WDR62: variants seen among roughly 807,000 people sequenced by gnomAD.
WDR62 encodes the protein WD repeat domain 62.
WDR62 carries 112 observed loss-of-function variants against 160.6 expected under a neutral mutation model. The ratio of observed to expected loss-of-function variants is 0.70; its 90% CI spans 0.60 to 0.82. The LOEUF is 0.82. WDR62 is among the 40% of genes least tolerant of loss of function. WDR62 has a pLI of 0.00. For missense variants in WDR62, 1,819 were observed against 1,983.8 expected (o/e 0.92, Z 1.58); for synonymous variants, 792 against 815.1 (o/e 0.97, Z 0.48).
chr19:36,076,666 G>T (rs78046705), intron 9 of WDR62, among the ~76,000 whole-genome samples: 4,657 of 151,204 alleles, frequency 0.031, 146 homozygotes, highest in African/African-American at 0.088. Context: ...TCGCTATTGG[G>T]TCGTTCTTCC....
chr19:36,082,374 G>A (rs1971949192), intron 10 of WDR62, among the ~76,000 whole-genome samples: 1 of 152,196 alleles, frequency 6.6e-6, no homozygotes, highest in Admixed American at 6.5e-5. Flanking sequence ...AGTAAAGAGG[G>A]AAGGGGAGAG....
rs1316364811 is a variant in WDR62, at chr19:36,084,596, T to C, written c.1551-57T>C. 1.9e-6 allele frequency: 3 copies of C among 1,541,772 alleles called. No homozygotes were observed. The African/African-American group carries it at 4.1e-5, about 21-fold the overall frequency. On this transcript the variant is annotated intron_variant, in intron 11 of 31. Coordinates refer to ENST00000401500, the MANE Select transcript of WDR62 (RefSeq NM_001083961.2). ...TGGCCATTCTGACCTATTCTAGAAG[T>C]GGTAGAGCACATGGGGCTGGGGTGT...
At chr19:36,101,505 C>A in intron 24 of WDR62, 159 bp from the exon 25 acceptor site, 1 of 787,268 alleles carries the variant, frequency 1.3e-6, no homozygotes, top group South Asian at 1.6e-5. Flanking sequence ...GCTCTGCCAC[C>A]TCCTTGATGT....
At chr19:36,096,520 A>G (rs1803157463) in intron 20 of WDR62, among the ~76,000 whole-genome samples, 3 of 152,000 alleles carry the variant, frequency 2.0e-5, no homozygotes, top group East Asian at 3.9e-4. Context: ...CCTGGCTAAC[A>G]TGGTGAAACC....
At chr19:36,081,001 GA>G (rs1971864131) in intron 9 of WDR62, among the ~76,000 whole-genome samples, 1 of 152,028 alleles carries the variant, frequency 6.6e-6, no homozygotes, top group Non-Finnish European at 1.5e-5. Flanking sequence ...ATGTTGGCCA[GA>G]GTAGACTTGA....
Position 36,067,211 on chromosome 19 carries a change from T to C in WDR62, c.562-95T>C, listed in dbSNP as rs12608517. 0.71 allele frequency: 1,094,646 copies of C among 1,541,536 alleles called. 390,328 individuals are homozygous for C. The highest frequency in any genetic ancestry group is 0.82 in the East Asian group (36,487 of 44,418). ...GGGTCCCAGGAAGACAGACTTGGAG[T>C]GGGGACGAGCAGGGAGTTCCAGCCT... On this transcript the variant is annotated intron_variant, in intron 5 of 31. Transcript: ENST00000401500.
chr19:36,104,623 T>A lies in WDR62; in HGVS notation c.4259T>A (p.Ile1420Asn). 1 of 1,614,042 alleles carries A rather than the reference T, an allele frequency of 6.2e-7. No homozygotes were observed. The highest frequency in any genetic ancestry group is 8.5e-7 in the Non-Finnish European group (1 of 1,180,016). Residue 1420 changes from isoleucine (I) to asparagine (N), a missense_variant, in exon 31 of 32, where the codon ATC becomes AAC. Ile to Asn is a moderately radical substitution (Grantham distance 149). Coordinates refer to ENST00000401500, the MANE Select transcript of WDR62 (RefSeq NM_001083961.2). The part of the protein sequence containing the change: ...SPLELSRVGN[I>N]LHRLQTTFQE... ...CTTGAGCTGAGCAGGGTGGGGAACA[T>A]CTTGCACAGGCTGCAGACCACCTTC...
At chr19:36,055,445 C>G (rs1186267574) in intron 1 of WDR62, among the ~76,000 whole-genome samples, 1 of 152,166 alleles carries the variant, frequency 6.6e-6, no homozygotes, top group Non-Finnish European at 1.5e-5. Flanking sequence ...TATTTTAACC[C>G]CCGTTCTATC....
chr19:36,069,207 G>A (rs1389000056), intron 7 of WDR62, among the ~76,000 whole-genome samples: 1 of 151,876 alleles, frequency 6.6e-6, no homozygotes, highest in African/African-American at 2.4e-5. Context: ...GGCGGCTGCT[G>A]GGCGGAGACG....
At position 36,055,011 on chromosome 19, in the gene WDR62, G is replaced by T. The variant is rs751275678; in HGVS notation, c.40G>T (p.Ala14Ser). The T allele has an allele frequency of 2.6e-5, 42 of 1,608,090 alleles. No homozygotes were observed. In the African/African-American group the frequency reaches 4.5e-4, roughly 17 times the overall value. ...VGSGGYARND[A>S]GEKLPSVMAG... ...GTCCGGAGGCTATGCGCGGAACGAT[G>T]CAGGGGAGAAGCTGCCCTCTGTCAT... The change falls in exon 1 of 32, where the codon GCA becomes TCA. Residue 14 changes from alanine to serine, a missense_variant. Transcript: ENST00000401500.
At chr19:36,069,872 C>T (rs986704455) in intron 7 of WDR62, among the ~76,000 whole-genome samples, 11 of 152,096 alleles carry the variant, frequency 7.2e-5, no homozygotes, top group Non-Finnish European at 1.5e-4. Context: ...GCGGCGCGCG[C>T]CTGCAATCGC....
intron 20 of WDR62, among the ~76,000 whole-genome samples, chr19:36,094,412 G>C (rs1319191761): frequency 6.6e-6 from 1 of 151,804 alleles, no homozygotes; most frequent in Admixed American, 6.6e-5. Context: ...AAATTAGCCG[G>C]GCGTGGTGGC....
intron 25 of WDR62, 37 bp downstream of exon 25, chr19:36,101,811 C>T (rs1162456571): frequency 1.2e-5 from 18 of 1,532,950 alleles, no homozygotes; most frequent in East Asian, 7.3e-5. Flanking sequence ...ACTCGCTGCT[C>T]GGGCCTGGCT....
Position 36,080,994 on chromosome 19 carries a change from T to C in WDR62, c.1234-439T>C, listed in dbSNP as rs146588519. 5.2e-4 allele frequency among the ~76,000 whole-genome samples: 79 copies of C among 152,238 alleles called. 1 individual carries two copies. In the East Asian group the frequency reaches 0.014, roughly 28 times the overall value. ...TTGTTTTGAGACACAGTCTCATATG[T>C]TGGCCAGAGTAGACTTGAACTGCTG... On this transcript the variant is annotated intron_variant, in intron 9 of 31. Coordinates refer to ENST00000401500, the MANE Select transcript of WDR62 (RefSeq NM_001083961.2).
rs2145726541 is a variant in WDR62, at chr19:36,084,223, C to G, written c.1551-430C>G. On this transcript the variant is annotated intron_variant, in intron 11 of 31. Coordinates refer to ENST00000401500, the MANE Select transcript of WDR62 (RefSeq NM_001083961.2). The stretch of plus-strand genomic sequence containing the variant: ...ATGACTGATTTCATTTGGGGAGAAT[C>G]AGGAAGGTCTAGATTTGAGACTCTT... Among the ~76,000 whole-genome samples the G allele has an allele frequency of 1.3e-5, 2 of 152,246 alleles. 1 individual carries two copies. Among genetic ancestry groups the G allele is most frequent in the Middle Eastern group, 6.8e-3 (2 of 294 alleles).
rs764447813 is a variant in WDR62 at position 36,103,247 on chromosome 19, C to T, written c.3514+40C>T. 43 of 1,612,006 alleles carry T rather than the reference C, an allele frequency of 2.7e-5. No individual in the cohort carries two copies. In the Middle Eastern group the frequency reaches 1.3e-3, roughly 49 times the overall value. On this transcript the variant is annotated intron_variant, in intron 29 of 31. Coordinates refer to ENST00000401500, the MANE Select transcript of WDR62 (RefSeq NM_001083961.2). ...CCCAGACGGACAGTCCTGGGTTTCT[C>T]GGCGAGTGGCCGGATGTCCAGCCTA...
Position 36,055,982 on chromosome 19 carries a change from A to T in WDR62, c.177+834A>T, listed in dbSNP as rs149428233. Among the ~76,000 whole-genome samples the T allele has an allele frequency of 5.3e-5, 8 of 152,304 alleles. No homozygotes were observed. In the East Asian group the frequency reaches 1.5e-3, roughly 29 times the overall value. On this transcript the variant is annotated intron_variant, in intron 1 of 31. Transcript: ENST00000401500. Reference sequence around the variant, plus strand: ...TCAGTTCAAGACCAGCCTGGCCAACATGGTGAAACCCGTCTCTACAAAAAG... The same window carrying T: ...TCAGTTCAAGACCAGCCTGGCCAACTTGGTGAAACCCGTCTCTACAAAAAG...
intron 20 of WDR62, 58 bp from the exon 21 acceptor site, chr19:36,096,969 T>G: frequency 6.6e-7 from 1 of 1,524,424 alleles, no homozygotes; most frequent in South Asian, 1.2e-5. Context: ...CCCGGTTATG[T>G]ATGTGGCCTG....
At chr19:36,077,426 A>T (rs1457683609) in intron 9 of WDR62, among the ~76,000 whole-genome samples, 1 of 150,922 alleles carries the variant, frequency 6.6e-6, no homozygotes, top group Non-Finnish European at 1.5e-5. Context: ...GACTACAGGC[A>T]CACGCCACCA....
Sources: allele counts gnomAD v4.1 joint callset (sites outside exome capture counted in the v4.1 genomes callset), GRCh38; gene constraint gnomAD v4.1.1; transcripts MANE v1.5; gene names NCBI Gene and HGNC (gene_info 2026-07-23, HGNC 2026-07-21).